The following KPNA6 variants were observed in gnomAD, a reference collection of about 807,000 sequenced individuals.
The protein encoded by KPNA6 is importin subunit alpha-7.
KPNA6 carries 9 observed loss-of-function variants against 72.0 expected under a neutral mutation model. That is an observed-to-expected ratio of 0.13 (90% CI 0.08 to 0.22). The LOEUF (loss-of-function observed/expected upper bound fraction) is 0.22. Ranked by LOEUF, KPNA6 falls within the 10% of genes least tolerant of loss-of-function variation. The pLI is 1.00. For synonymous variants in KPNA6, 219 were observed against 242.1 expected (o/e 0.90, Z 0.89); for missense variants, 374 against 655.7 (o/e 0.57, Z 4.69).
rs755923189 is a variant in KPNA6, at chr1:32,170,686, C to G, written c.1424-21C>G. 4 of 1,605,300 alleles carry G rather than the reference C, an allele frequency of 2.5e-6. No homozygotes were observed. The South Asian group carries it at 4.4e-5, about 18-fold the overall frequency. On this transcript the variant is annotated intron_variant, in intron 13 of 13. Coordinates refer to ENST00000373625, the MANE Select transcript of KPNA6 (RefSeq NM_012316.5). ...TAGAAAAGCACTCACACTTCCCTCT[C>G]CTTCCTTCTTACTACTGTAGGCTTG...
In KPNA6 at chr1:32,159,502, A is replaced by T. The variant is rs1053970863; in HGVS notation, c.529A>T (p.Asn177Tyr). The T allele has an allele frequency of 2.5e-6, 4 of 1,614,174 alleles. No individual in the cohort carries two copies. Among genetic ancestry groups the T allele is most frequent in the Non-Finnish European group, 3.4e-6 (4 of 1,180,010 alleles). The change falls in exon 6 of 14, where the codon AAT becomes TAT. Residue 177 changes from asparagine to tyrosine, a missense_variant. Asn to Tyr is a moderately radical substitution (Grantham distance 143). Around this residue, in one of 3 missense-constraint regions of KPNA6, gnomAD observed 298 missense variants for 495.4 expected, o/e 0.60. Coordinates refer to ENST00000373625, the MANE Select transcript of KPNA6 (RefSeq NM_012316.5). ...GAVPIFIELL[N>Y]SDFEDVQEQA... Reference sequence around the variant, plus strand: ...TGTCCCCATTTTTATAGAGCTGCTTAATTCAGACTTTGAGGATGTTCAGGA... The same window carrying T: ...TGTCCCCATTTTTATAGAGCTGCTTTATTCAGACTTTGAGGATGTTCAGGA...
chr1:32,121,342 A>G (rs940875304), intron 1 of KPNA6, among the ~76,000 whole-genome samples: 3 of 152,218 alleles, frequency 2.0e-5, no homozygotes, highest in Admixed American at 6.5e-5. Context: ...CATGACTCCT[A>G]TGCCTGTTGC....
At chr1:32,168,091 C>A (rs1285075638) in intron 12 of KPNA6, among the ~76,000 whole-genome samples, 1 of 152,140 alleles carries the variant, frequency 6.6e-6, no homozygotes, top group Non-Finnish European at 1.5e-5. Context: ...TCACCTGAGC[C>A]CAGGAGGTCA....
At chr1:32,152,976 C>T in intron 1 of KPNA6, among the ~76,000 whole-genome samples, 1 of 138,604 alleles carries the variant, frequency 7.2e-6, no homozygotes, top group Non-Finnish European at 1.5e-5. Context: ...AAGATCGCGC[C>T]ACTGCACTCC....
At position 32,172,336 on chromosome 1, in the gene KPNA6, G is replaced by A. The variant is rs998685418; in HGVS notation, c.*1442G>A. ...AAGGATGGCCTCAGGGCCTGGTGAA[G>A]TCTGCTACTCTGTCCTTACTGCTGA... On this transcript the variant is annotated 3_prime_UTR_variant, in exon 14 of 14. Coordinates refer to ENST00000373625, the MANE Select transcript of KPNA6 (RefSeq NM_012316.5). The A allele has an allele frequency of 2.0e-5, 3 of 152,126 alleles. No individual in the cohort carries two copies. Among genetic ancestry groups the A allele is most frequent in the African/African-American group, 7.2e-5 (3 of 41,432 alleles). The allele number at this position is 152,126 out of a possible 1,614,324, so 9.4% of individuals were successfully genotyped here.
intron 5 of KPNA6, among the ~76,000 whole-genome samples, chr1:32,158,940 T>C (rs1425961050): frequency 6.6e-6 from 1 of 152,210 alleles, no homozygotes; most frequent in East Asian, 1.9e-4. Context: ...GCAAATTGTT[T>C]AGCCTCTCTG....
intron 1 of KPNA6, among the ~76,000 whole-genome samples, chr1:32,111,078 GAAA>G (rs938883902): frequency 3.6e-4 from 55 of 151,974 alleles, no homozygotes; most frequent in Admixed American, 2.0e-3. Flanking sequence ...ATCTTTCAGT[GAAA>G]AAAATTTAGG....
At position 32,160,602 on chromosome 1, in the gene KPNA6, A is replaced by T; in HGVS notation, c.559-13A>T. 3.7e-6 allele frequency: 6 copies of T among 1,610,338 alleles called. No individual in the cohort carries two copies. The highest frequency in any genetic ancestry group is 1.1e-5 in the South Asian group (1 of 91,004). ...AAGCTTTGTGGGTGACAGTTTCATT[A>T]TCCCCTTTTCAGGCAGTCTGGGCAC... is the stretch of plus-strand genomic sequence containing the variant. On this transcript the variant is annotated splice_polypyrimidine_tract_variant and intron_variant, in intron 6 of 13. Transcript: ENST00000373625.
intron 1 of KPNA6, among the ~76,000 whole-genome samples, chr1:32,147,483 A>C (rs1641948163): frequency 6.6e-6 from 1 of 151,686 alleles, no homozygotes; most frequent in Admixed American, 6.6e-5. Flanking sequence ...TTATTTGTAG[A>C]GACAGGGTCT....
At chr1:32,159,942 A>G (rs1446260217) in intron 6 of KPNA6, among the ~76,000 whole-genome samples, 1 of 152,222 alleles carries the variant, frequency 6.6e-6, no homozygotes. Flanking sequence ...AATTCTTACT[A>G]GTTGGATAGA....
chr1:32,143,085 C>A, intron 1 of KPNA6: 1 of 989,792 alleles, frequency 1.0e-6, no homozygotes, highest in Non-Finnish European at 1.4e-6. Flanking sequence ...CTCTGTTAGT[C>A]TCACAGGGAT....
Position 32,141,375 on chromosome 1 carries a change from C to CTTTTTTTTTTTTTTT in KPNA6, c.5-13187_5-13173dup, listed in dbSNP as rs71006334. On this transcript the variant is annotated intron_variant, in intron 1 of 13. Coordinates refer to ENST00000373625, the MANE Select transcript of KPNA6 (RefSeq NM_012316.5). ...AGGGCTTTTTTTTTTTAAGTTAATCCTTTTTTTTTTTTTTTTTTTTTTTTT... is the reference window on the plus strand; with the variant it reads ...AGGGCTTTTTTTTTTTAAGTTAATCCTTTTTTTTTTTTTTTTTTTTTTTTTTTTTTTTTTTTTTTT... Among the ~76,000 whole-genome samples, 25 of 54,470 alleles carry CTTTTTTTTTTTTTTT rather than the reference C, an allele frequency of 4.6e-4. 8 individuals are homozygous for CTTTTTTTTTTTTTTT. Among genetic ancestry groups the CTTTTTTTTTTTTTTT allele is most frequent in the Non-Finnish European group, 6.0e-4 (15 of 25,166 alleles). 35.7% of individuals were successfully genotyped at this position (54,470 alleles called of 152,430 possible).
At chr1:32,154,530 G>A in intron 1 of KPNA6, 58 bp from the exon 2 acceptor site, 2 of 1,583,612 alleles carry the variant, frequency 1.3e-6, no homozygotes, top group East Asian at 2.3e-5. Flanking sequence ...TAGAAGTCTA[G>A]TGAAAAGGAA....
At chr1:32,154,396 A>G in intron 1 of KPNA6, among the ~76,000 whole-genome samples, 192 bp from the exon 2 acceptor site, 1 of 150,060 alleles carries the variant, frequency 6.7e-6, no homozygotes, top group East Asian at 2.0e-4. Context: ...CCACCTGTTT[A>G]GCAAGCTTAT....
intron 1 of KPNA6, among the ~76,000 whole-genome samples, chr1:32,153,338 G>A (rs905921072): frequency 2.0e-5 from 3 of 152,080 alleles, no homozygotes; most frequent in African/African-American, 7.2e-5. Context: ...GGCCGAGGCA[G>A]GCAGTTCACC....
chr1:32,158,553 TTTAAG>T (rs1642184823), intron 5 of KPNA6, among the ~76,000 whole-genome samples, 192 bp downstream of exon 5: 1 of 152,200 alleles, frequency 6.6e-6, no homozygotes, highest in African/African-American at 2.4e-5. Flanking sequence ...AATTATACAC[TTTAAG>T]TTATTTTAAA....
At position 32,161,545 on chromosome 1, in the gene KPNA6, A is replaced by G. The variant is rs28639768; in HGVS notation, c.648-402A>G. ...TGGACCCTTCACAGAAAATTATTCCATACTGTGTGGCTAAAGCTCTCACAG... is the reference window on the plus strand; with the variant it reads ...TGGACCCTTCACAGAAAATTATTCCGTACTGTGTGGCTAAAGCTCTCACAG... On this transcript the variant is annotated intron_variant, in intron 7 of 13. Transcript: ENST00000373625. 5.9e-3 allele frequency among the ~76,000 whole-genome samples: 891 copies of G among 152,266 alleles called. 14 individuals carry two copies. The highest frequency in any genetic ancestry group is 0.021 in the African/African-American group (859 of 41,564).
At chr1:32,170,157 C>CT in intron 13 of KPNA6, 97 bp downstream of exon 13, 1 of 1,093,354 alleles carries the variant, frequency 9.1e-7, no homozygotes, top group Non-Finnish European at 1.3e-6. Context: ...GGTTGGGAAG[C>CT]ATCCATAGCT....
intron 1 of KPNA6, among the ~76,000 whole-genome samples, chr1:32,119,095 A>G (rs1406806986): frequency 1.6e-4 from 21 of 134,850 alleles, no homozygotes; most frequent in African/African-American, 5.3e-4. Flanking sequence ...GCAGTGGCCT[A>G]TCTCAGCTCA....
Sources: allele counts gnomAD v4.1 joint callset (sites outside exome capture counted in the v4.1 genomes callset), GRCh38; gene constraint gnomAD v4.1.1; regional missense constraint gnomAD v4.1.1; transcripts MANE v1.5; gene names NCBI Gene and HGNC (gene_info 2026-07-23, HGNC 2026-07-21).